ASH1L: variants seen among roughly 807,000 people sequenced by gnomAD.
ASH1L encodes ASH1 like histone lysine methyltransferase.
ASH1L carries 23 observed loss-of-function variants against 269.0 expected under a neutral mutation model. The ratio of observed to expected loss-of-function variants is 0.09; its 90% CI spans 0.06 to 0.12. ASH1L has a LOEUF of 0.12. ASH1L is among the 10% of genes least tolerant of loss of function. The pLI, the probability that ASH1L is intolerant of heterozygous loss-of-function variation, is 1.00. For synonymous variants in ASH1L, 1,187 were observed against 1,253.5 expected (o/e 0.95, Z 1.12); for missense variants, 2,912 against 3,567.8 (o/e 0.82, Z 4.68).
At chr1:155,401,211 T>C (rs1658818037) in intron 6 of ASH1L, among the ~76,000 whole-genome samples, 1 of 151,566 alleles carries the variant, frequency 6.6e-6, no homozygotes, top group South Asian at 2.1e-4. Flanking sequence ...GCATGGTGGC[T>C]CACACCTGTA....
intron 1 of ASH1L, among the ~76,000 whole-genome samples, chr1:155,555,447 A>G (rs1448738625): frequency 4.1e-5 from 6 of 145,286 alleles, no homozygotes; most frequent in Non-Finnish European, 3.0e-5. Flanking sequence ...CAGTGAGCCG[A>G]GATTGCGCCA....
chr1:155,413,297 GA>G (rs1216991892), intron 6 of ASH1L, among the ~76,000 whole-genome samples: 3 of 152,134 alleles, frequency 2.0e-5, no homozygotes, highest in Non-Finnish European at 4.4e-5. Flanking sequence ...ATGCGGGTTT[GA>G]AATTTTCTTA....
intron 2 of ASH1L, among the ~76,000 whole-genome samples, chr1:155,513,782 C>G (rs746005350): frequency 2.6e-5 from 4 of 151,956 alleles, no homozygotes; most frequent in Non-Finnish European, 4.4e-5. Flanking sequence ...CAGTGGCCAT[C>G]CATAGATGGA....
chr1:155,507,150 C>T (rs1343205250), intron 2 of ASH1L, among the ~76,000 whole-genome samples: 9 of 151,766 alleles, frequency 5.9e-5, no homozygotes, highest in African/African-American at 1.7e-4. Context: ...CATGGTGGTG[C>T]GTGCCTGCAA....
intron 4 of ASH1L, among the ~76,000 whole-genome samples, chr1:155,441,454 CTTTTTTTTTTTTT>C (rs34682576): frequency 1.5e-4 from 11 of 73,622 alleles, no homozygotes; most frequent in Admixed American, 1.3e-3. Flanking sequence ...ATAAAGAATC[CTTTTTTTTTTTTT>C]TTTTTTTTTT....
At position 155,347,662 on chromosome 1, in the gene ASH1L, C is replaced by T. The variant is rs897291904; in HGVS notation, c.7797G>A (p.Lys2599=). ...TTCATTTCCTGACCCTCACCATGCA[C>T]TTGTCACACTGGATCATGAGACCTT... ...KDEGLMIQCD[K]CMVWQHCDCM... The change falls in exon 20 of 28, where the codon AAG becomes AAA. Residue 2599 remains lysine, a synonymous_variant. Coordinates refer to ENST00000392403, the MANE Select transcript of ASH1L (RefSeq NM_018489.3). 4.3e-6 allele frequency: 7 copies of T among 1,613,924 alleles called. No individual in the cohort carries two copies. The African/African-American group carries it at 9.3e-5, about 22-fold the overall frequency.
At position 155,357,517 on chromosome 1, in the gene ASH1L, T is replaced by C. The variant is rs563941578; in HGVS notation, c.6960+68A>G. The C allele has an allele frequency of 3.1e-4, 489 of 1,602,666 alleles. 7 individuals are homozygous for C. The highest frequency in any genetic ancestry group is 6.1e-5 in the Non-Finnish European group (71 of 1,171,340). On this transcript the variant is annotated intron_variant, in intron 14 of 27. Transcript: ENST00000392403. ...AGATGCCACCCTCTGGTAATTCCCT[T>C]ATTCCAGCAATTGCCTCAAAGCATC...
chr1:155,346,347 CT>C, intron 21 of ASH1L, 35 bp downstream of exon 21: 1 of 1,604,846 alleles, frequency 6.2e-7, no homozygotes, highest in Non-Finnish European at 8.5e-7. Context: ...ACCTCTCCTA[CT>C]TATAGATCAG....
chr1:155,559,096 A>T (rs1314244726), intron 1 of ASH1L, among the ~76,000 whole-genome samples: 7 of 152,054 alleles, frequency 4.6e-5, no homozygotes, highest in African/African-American at 1.7e-4. Context: ...CACCCTCTTC[A>T]GCATCCCAAA....
intron 2 of ASH1L, among the ~76,000 whole-genome samples, chr1:155,487,300 A>T (rs1206299674): frequency 6.6e-6 from 1 of 152,232 alleles, no homozygotes; most frequent in Non-Finnish European, 1.5e-5. Flanking sequence ...TAAAAATAAA[A>T]AAAATTATTA....
intron 1 of ASH1L, among the ~76,000 whole-genome samples, chr1:155,558,338 G>A (rs141098948): frequency 0.022 from 3,384 of 152,136 alleles, 117 homozygotes; most frequent in African/African-American, 0.077. Flanking sequence ...GGGCGTGGTG[G>A]CACACACCTG....
At chr1:155,558,471 C>CA (rs146196240) in intron 1 of ASH1L, among the ~76,000 whole-genome samples, 24 of 145,444 alleles carry the variant, frequency 1.7e-4, no homozygotes, top group East Asian at 6.0e-4. Context: ...AACTCTCTCT[C>CA]AAAAAAAAAA....
chr1:155,356,486 T>C (rs1654395382), intron 15 of ASH1L, among the ~76,000 whole-genome samples: 1 of 151,596 alleles, frequency 6.6e-6, no homozygotes, highest in Non-Finnish European at 1.5e-5. Context: ...GTATAAAAAA[T>C]TAGCCAGGCG....
At chr1:155,443,950 G>A (rs1257289190) in intron 4 of ASH1L, among the ~76,000 whole-genome samples, 1 of 148,842 alleles carries the variant, frequency 6.7e-6, no homozygotes. Flanking sequence ...TTTCTCTTGG[G>A]TGAATACCTA....
chr1:155,416,506 G>A (rs968719511), intron 5 of ASH1L, among the ~76,000 whole-genome samples: 5 of 152,024 alleles, frequency 3.3e-5, no homozygotes, highest in African/African-American at 1.2e-4. Context: ...AAAAAATGCG[G>A]TGAGTCACAC....
At chr1:155,337,784 A>G (rs1185275534) in intron 27 of ASH1L, 33 bp from the exon 28 acceptor site, 1 of 1,565,100 alleles carries the variant, frequency 6.4e-7, no homozygotes, top group Admixed American at 1.7e-5. Flanking sequence ...TCATCAAAAT[A>G]CCAATCTCCT....
chr1:155,492,676 T>C (rs1291652639), intron 2 of ASH1L, among the ~76,000 whole-genome samples: 1 of 152,164 alleles, frequency 6.6e-6, no homozygotes, highest in Non-Finnish European at 1.5e-5. Flanking sequence ...TTTATGATTA[T>C]TATTGTGCCA....
rs753406103 is a variant in ASH1L, at chr1:155,521,513, G to C, written c.7C>G (p.Pro3Ala). The C allele has an allele frequency of 1.2e-6, 2 of 1,607,180 alleles. No individual in the cohort carries two copies. Among genetic ancestry groups the C allele is most frequent in the Non-Finnish European group, 1.7e-6 (2 of 1,177,064 alleles). Reference sequence around the variant, plus strand: ...AATCCTAACATAGCAGTATTTCTAGGGTCCATCACAAGCGTATGTTATTGC... The same window carrying C: ...AATCCTAACATAGCAGTATTTCTAGCGTCCATCACAAGCGTATGTTATTGC... MD[P>A]RNTAMLGLGS... Residue 3 changes from proline (P) to alanine (A), a missense_variant, in exon 2 of 28, where the codon CCT becomes GCT. Physicochemically the swap from Pro to Ala is conservative, Grantham distance 27. This residue lies in a region of ASH1L where 115 missense variants were observed against 101.5 expected (regional missense o/e 1.13). Coordinates refer to ENST00000392403, the MANE Select transcript of ASH1L (RefSeq NM_018489.3).
chr1:155,366,737 G>A (rs1267781622), intron 12 of ASH1L, among the ~76,000 whole-genome samples: 6 of 148,548 alleles, frequency 4.0e-5, no homozygotes, highest in African/African-American at 1.5e-4. Flanking sequence ...GCAGTGGCAC[G>A]ATCTCGGCTC....
Sources: allele counts gnomAD v4.1 joint callset (sites outside exome capture counted in the v4.1 genomes callset), GRCh38; gene constraint gnomAD v4.1.1; regional missense constraint gnomAD v4.1.1; transcripts MANE v1.5; gene names NCBI Gene and HGNC (gene_info 2026-07-23, HGNC 2026-07-21).